The following ANKRD6 variants were observed in gnomAD, a reference collection of about 807,000 sequenced individuals.
The protein encoded by ANKRD6 is ankyrin repeat domain 6, also known as ankyrin repeat domain-containing protein 6.
Under a neutral mutation model 82.3 loss-of-function variants are expected in ANKRD6, and 56 were observed. The observed-to-expected ratio is 0.68, with a 90% CI of 0.55 to 0.85. The LOEUF (loss-of-function observed/expected upper bound fraction) is 0.85. Ranked by LOEUF, ANKRD6 falls within the 40% of genes least tolerant of loss-of-function variation. ANKRD6 has a pLI of 0.00. For synonymous variants in ANKRD6, 347 were observed against 352.1 expected, an observed-to-expected ratio of 0.99 and a Z score of 0.16; for missense variants, 852 against 907.6, an observed-to-expected ratio of 0.94 and a Z score of 0.79.
At chr6:89,553,399 CTG>C (rs900342666) in intron 1 of ANKRD6, among the ~76,000 whole-genome samples, 1 of 152,134 alleles carries the variant, frequency 6.6e-6, no homozygotes, top group Non-Finnish European at 1.5e-5. Context: ...CCTCTGTCCT[CTG>C]TGGGATAGCG....
At chr6:89,502,435 C>T (rs1041699177) in intron 1 of ANKRD6, among the ~76,000 whole-genome samples, 5 of 152,008 alleles carry the variant, frequency 3.3e-5, no homozygotes, top group Non-Finnish European at 7.4e-5. Context: ...CGCTTGAGCC[C>T]AGGAGTTCGA....
At chr6:89,541,815 T>C (rs926176621) in intron 1 of ANKRD6, among the ~76,000 whole-genome samples, 3 of 151,432 alleles carry the variant, frequency 2.0e-5, no homozygotes. Context: ...TATATAGTTT[T>C]ATATATATCT....
chr6:89,628,922 C>A, intron 14 of ANKRD6, 190 bp from the exon 15 acceptor site: 1 of 603,442 alleles, frequency 1.7e-6, no homozygotes, highest in Non-Finnish European at 2.8e-6. Flanking sequence ...CAAATTTCAA[C>A]ATGAGATTTG....
intron 2 of ANKRD6, among the ~76,000 whole-genome samples, chr6:89,592,285 C>G (rs1344526072): frequency 6.6e-6 from 1 of 152,080 alleles, no homozygotes; most frequent in East Asian, 1.9e-4. Context: ...GTTGGGGTGT[C>G]CTCTGGGGTG....
intron 1 of ANKRD6, among the ~76,000 whole-genome samples, chr6:89,469,394 G>C (rs989747951): frequency 2.0e-5 from 3 of 152,108 alleles, no homozygotes; most frequent in African/African-American, 7.2e-5. Context: ...GCAGCTGCTG[G>C]GTTTTAATAT....
At chr6:89,537,891 A>G (rs939143480) in intron 1 of ANKRD6, among the ~76,000 whole-genome samples, 46 of 150,846 alleles carry the variant, frequency 3.0e-4, no homozygotes, top group Admixed American at 1.3e-3. Context: ...AAAAAAAAAA[A>G]AAAAAAAAAG....
intron 2 of ANKRD6, among the ~76,000 whole-genome samples, chr6:89,577,591 A>G (rs1583420052): frequency 6.6e-6 from 1 of 152,188 alleles, no homozygotes; most frequent in East Asian, 1.9e-4. Context: ...CAGGCAGAGT[A>G]TCATTTCCTA....
At chr6:89,514,074 G>A (rs1444835747) in intron 1 of ANKRD6, among the ~76,000 whole-genome samples, 1 of 152,158 alleles carries the variant, frequency 6.6e-6, no homozygotes, top group Non-Finnish European at 1.5e-5. Flanking sequence ...AAAGTCGTAA[G>A]CTTTCTTAAA....
chr6:89,508,735 GT>G (rs1380307507), intron 1 of ANKRD6: 1 of 152,196 alleles, frequency 6.6e-6, no homozygotes, highest in African/African-American at 2.4e-5. Flanking sequence ...AGGTTGAAAT[GT>G]TGTGAATGGT....
At chr6:89,541,759 G>A (rs1199953293) in intron 1 of ANKRD6, among the ~76,000 whole-genome samples, 1 of 151,518 alleles carries the variant, frequency 6.6e-6, no homozygotes, top group Non-Finnish European at 1.5e-5. Flanking sequence ...CAACATTACT[G>A]TACTTGTTTG....
intron 2 of ANKRD6, among the ~76,000 whole-genome samples, chr6:89,594,074 G>A (rs1795393207): frequency 6.6e-6 from 1 of 152,156 alleles, no homozygotes; most frequent in African/African-American, 2.4e-5. Context: ...TAAATAATAA[G>A]TGAACCAGAA....
intron 10 of ANKRD6, among the ~76,000 whole-genome samples, chr6:89,622,454 C>G (rs767375888): frequency 2.1e-4 from 32 of 152,170 alleles, no homozygotes; most frequent in African/African-American, 6.0e-4. Flanking sequence ...ATCAGAAACT[C>G]GGGTGGGGCC....
At chr6:89,453,316 T>C (rs2127958700) in intron 1 of ANKRD6, among the ~76,000 whole-genome samples, 1 of 152,340 alleles carries the variant, frequency 6.6e-6, no homozygotes, top group East Asian at 1.9e-4. Flanking sequence ...TCTGTTATAA[T>C]TGTATAGGGA....
At chr6:89,542,507 C>T (rs1421486008) in intron 1 of ANKRD6, among the ~76,000 whole-genome samples, 2 of 152,054 alleles carry the variant, frequency 1.3e-5, no homozygotes, top group African/African-American at 4.8e-5. Context: ...TTTGACCACC[C>T]CCCCGCTTCC....
chr6:89,467,052 T>A (rs760296596), intron 1 of ANKRD6, among the ~76,000 whole-genome samples: 2 of 152,152 alleles, frequency 1.3e-5, no homozygotes, highest in Non-Finnish European at 2.9e-5. Context: ...CACAAGATTT[T>A]TTTCAAGCAA....
chr6:89,607,194 A>G (rs1278300627), intron 5 of ANKRD6, among the ~76,000 whole-genome samples: 1 of 150,360 alleles, frequency 6.7e-6, no homozygotes, highest in Non-Finnish European at 1.5e-5. Context: ...GGTCCTTTTT[A>G]CTTGGTACCT....
Position 89,629,097 on chromosome 6 carries a change from G to GTT in ANKRD6, c.1486-5_1486-4dup, listed in dbSNP as rs200010448. 3,854 of 1,334,258 alleles carry GTT rather than the reference G, an allele frequency of 2.9e-3. No individual in the cohort carries two copies. Among genetic ancestry groups the GTT allele is most frequent in the East Asian group, 6.2e-3 (231 of 37,480 alleles). The allele number at this position is 1,334,258 out of a possible 1,614,324, so 82.7% of individuals were successfully genotyped here. A position where few individuals can be genotyped will look rare whatever the true frequency, so the allele number is the denominator to read the frequency against. ...TTCTATGTACTTATTTGTGGGGTTT[G>GTT]TTTTTTTTTTTAAGATATCCTTGGT... is the stretch of plus-strand genomic sequence containing the variant. On this transcript the variant is annotated splice_polypyrimidine_tract_variant and intron_variant, in intron 14 of 15. Coordinates refer to ENST00000339746, the MANE Select transcript of ANKRD6 (RefSeq NM_001242809.2).
chr6:89,571,035 A>G (rs1451483349), intron 2 of ANKRD6, among the ~76,000 whole-genome samples: 3 of 148,292 alleles, frequency 2.0e-5, no homozygotes, highest in Non-Finnish European at 4.5e-5. Flanking sequence ...ATCCTTGACA[A>G]TACTTGCCTT....
At chr6:89,448,303 A>G (rs1031510277) in intron 1 of ANKRD6, among the ~76,000 whole-genome samples, 7 of 152,008 alleles carry the variant, frequency 4.6e-5, no homozygotes, top group Non-Finnish European at 7.4e-5. Context: ...GTGTTGTGGC[A>G]TGTGCCTGTA....
Sources: gnomAD v4.1 joint callset for allele counts (sites outside exome capture counted in the v4.1 genomes callset) on GRCh38, gnomAD v4.1.1 for gene constraint, MANE v1.5 for transcripts, NCBI Gene and HGNC (gene_info 2026-07-23, HGNC 2026-07-21) for gene names.